Variants in EPS15L1 observed in about 807,000 individuals in gnomAD.
The protein encoded by EPS15L1 is epidermal growth factor receptor pathway substrate 15 like 1.
Under a neutral mutation model 117.1 loss-of-function variants are expected in EPS15L1, and 43 were observed. The ratio of observed to expected loss-of-function variants is 0.37; its 90% CI spans 0.29 to 0.47. The LOEUF (loss-of-function observed/expected upper bound fraction) is 0.47, where lower values mean the gene tolerates loss of function less well. Ranked by LOEUF, EPS15L1 falls within the 20% of genes least tolerant of loss-of-function variation. The pLI, the probability that EPS15L1 is intolerant of heterozygous loss-of-function variation, is 0.99. For synonymous variants in EPS15L1, 459 were observed against 470.5 expected (o/e 0.98, Z 0.32); for missense variants, 981 against 1,164.0 (o/e 0.84, Z 2.29).
chr19:16,439,078 T>TG (rs1326399221), intron 4 of EPS15L1, among the ~76,000 whole-genome samples: 2 of 151,534 alleles, frequency 1.3e-5, no homozygotes, highest in African/African-American at 4.9e-5. Flanking sequence ...TTTTCTGTTT[T>TG]TTTTTTTTTT....
At chr19:16,397,800 G>T (rs2092555730) in intron 16 of EPS15L1, among the ~76,000 whole-genome samples, 1 of 151,932 alleles carries the variant, frequency 6.6e-6, no homozygotes, top group Non-Finnish European at 1.5e-5. Context: ...TGAAAAGGGT[G>T]GGTTTGTCAT....
intron 19 of EPS15L1, among the ~76,000 whole-genome samples, chr19:16,389,200 T>C (rs576869720): frequency 2.6e-5 from 4 of 151,626 alleles, no homozygotes; most frequent in African/African-American, 9.7e-5. Flanking sequence ...AAGCCTGTGA[T>C]CCCAGCACTT....
intron 16 of EPS15L1, among the ~76,000 whole-genome samples, chr19:16,398,669 T>A (rs2092565223): frequency 6.6e-6 from 1 of 152,166 alleles, no homozygotes; most frequent in Non-Finnish European, 1.5e-5. Context: ...TTTTTAAAGG[T>A]AGGATCTCAC....
At chr19:16,401,545 G>A (rs1207458596) in intron 16 of EPS15L1, 16 of 985,566 alleles carry the variant, frequency 1.6e-5, no homozygotes, top group African/African-American at 1.7e-5. Flanking sequence ...CGGCCCATCC[G>A]CTCCCGGAAC....
chr19:16,404,519 G>T lies in EPS15L1; in HGVS notation c.1428+69C>A. On this transcript the variant is annotated intron_variant, in intron 14 of 23. Coordinates refer to ENST00000455140, the MANE Select transcript of EPS15L1 (RefSeq NM_001258374.3). The surrounding 1 kb of genome is among the most constrained non-coding windows in gnomAD (Gnocchi z 4.2). ...AGTGTTGTGTTCCCAGGTAACACGAGCTCAGGGGAGTCCTTGGGAAGCCCC... is the reference window on the plus strand; with the variant it reads ...AGTGTTGTGTTCCCAGGTAACACGATCTCAGGGGAGTCCTTGGGAAGCCCC... 1 of 1,555,260 alleles carries T rather than the reference G, an allele frequency of 6.4e-7. No individual in the cohort carries two copies. Among genetic ancestry groups the T allele is most frequent in the Non-Finnish European group, 8.8e-7 (1 of 1,134,096 alleles).
chr19:16,432,952 G>A (rs558380000), intron 7 of EPS15L1, among the ~76,000 whole-genome samples: 28 of 151,608 alleles, frequency 1.8e-4, no homozygotes, highest in Non-Finnish European at 3.2e-4. Context: ...CTACAGTCAC[G>A]CACCACCACA....
chr19:16,377,791 A>G (rs2092314237), intron 21 of EPS15L1, among the ~76,000 whole-genome samples: 2 of 152,270 alleles, frequency 1.3e-5, no homozygotes, highest in South Asian at 4.1e-4. Context: ...TGGGCTGCAC[A>G]TGCAGCACCT....
intron 16 of EPS15L1, chr19:16,401,745 G>A: frequency 1.0e-6 from 1 of 985,502 alleles, no homozygotes; most frequent in Non-Finnish European, 1.2e-6. Context: ...CAACTCCAGG[G>A]TCATGAGGTC....
chr19:16,436,998 T>C lies in EPS15L1; in HGVS notation c.311A>G (p.His104Arg). 1 of 1,613,898 alleles carries C rather than the reference T, an allele frequency of 6.2e-7. No individual in the cohort carries two copies. Among genetic ancestry groups the C allele is most frequent in the Non-Finnish European group, 8.5e-7 (1 of 1,179,814 alleles). The change falls in exon 6 of 24, where the codon CAC becomes CGC. Residue 104 changes from histidine (H) to arginine (R), a missense_variant and splice_region_variant. Coordinates refer to ENST00000455140, the MANE Select transcript of EPS15L1 (RefSeq NM_001258374.3). Reference sequence around the variant, plus strand: ...GACCATCAGAGGGCTGCTGGTGTCGTGCTGAGAAGAGAGAGAAACATTCCT... The same window carrying C: ...GACCATCAGAGGGCTGCTGGTGTCGCGCTGAGAAGAGAGAGAAACATTCCT... ...LNLSMPPPKF[H>R]DTSSPLMVTP...
intron 1 of EPS15L1, among the ~76,000 whole-genome samples, chr19:16,449,943 A>T (rs1481279487): frequency 3.3e-5 from 5 of 152,228 alleles, no homozygotes; most frequent in Non-Finnish European, 7.3e-5. Flanking sequence ...ACATCATTAA[A>T]ATGATAAAAT....
At chr19:16,428,787 A>G in intron 7 of EPS15L1, 26 bp from the exon 8 acceptor site, 1 of 1,592,894 alleles carries the variant, frequency 6.3e-7, no homozygotes, top group Non-Finnish European at 8.6e-7. Flanking sequence ...CAGCATGGGT[A>G]ACTGTGGGAG....
At chr19:16,394,784 G>C (rs2092521755) in intron 17 of EPS15L1, among the ~76,000 whole-genome samples, 1 of 152,108 alleles carries the variant, frequency 6.6e-6, no homozygotes, top group South Asian at 2.1e-4. Context: ...ACCTGCTGAG[G>C]GATTAGGAAA....
chr19:16,395,556 CTT>C (rs1201101992), intron 16 of EPS15L1, 89 bp from the exon 17 acceptor site: 6 of 1,312,648 alleles, frequency 4.6e-6, no homozygotes, highest in Non-Finnish European at 6.5e-6. Flanking sequence ...CACATTTCCA[CTT>C]TGAGTAGCAT....
Position 16,381,208 on chromosome 19 carries a change from G to C in EPS15L1, c.2247+3921C>G, listed in dbSNP as rs1172609192. Among the ~76,000 whole-genome samples, 2 of 152,256 alleles carry C rather than the reference G, an allele frequency of 1.3e-5. No homozygotes were observed. The highest frequency in any genetic ancestry group is 2.9e-5 in the Non-Finnish European group (2 of 68,040). Reference sequence around the variant, plus strand: ...TAATAATAGGCCCAGTGACCTGGCAGGGGGTCCCACTGTCAGCACCTCTGC... The same window carrying C: ...TAATAATAGGCCCAGTGACCTGGCACGGGGTCCCACTGTCAGCACCTCTGC... On this transcript the variant is annotated intron_variant, in intron 21 of 23. Coordinates refer to ENST00000455140, the MANE Select transcript of EPS15L1 (RefSeq NM_001258374.3). This position sits in a 1 kb window ranked among gnomAD's most constrained non-coding sequence, Gnocchi z 4.2.
intron 12 of EPS15L1, among the ~76,000 whole-genome samples, chr19:16,415,069 TCAC>T (rs756010563): frequency 4.6e-5 from 7 of 152,094 alleles, no homozygotes; most frequent in Non-Finnish European, 1.0e-4. Context: ...CTGTAACAAA[TCAC>T]CAACTGGGTG....
chr19:16,409,756 G>T (rs547297686), intron 13 of EPS15L1, among the ~76,000 whole-genome samples: 30 of 151,988 alleles, frequency 2.0e-4, no homozygotes, highest in African/African-American at 7.2e-4. Flanking sequence ...TGGCCAACAT[G>T]GTGAAACCCT....
chr19:16,391,942 T>C (rs1219839040), intron 19 of EPS15L1, among the ~76,000 whole-genome samples: 2 of 151,974 alleles, frequency 1.3e-5, no homozygotes, highest in Admixed American at 6.6e-5. Context: ...GCTTGTGTGA[T>C]TTAGTCTTTT....
intron 20 of EPS15L1, 86 bp from the exon 21 acceptor site, chr19:16,385,297 T>C (rs1230968192): frequency 8.9e-7 from 1 of 1,121,288 alleles, no homozygotes; most frequent in East Asian, 2.4e-5. Context: ...AGATGGCCCC[T>C]GAACCAGGAG....
intron 1 of EPS15L1, among the ~76,000 whole-genome samples, chr19:16,453,888 A>T (rs903686207): frequency 2.0e-4 from 13 of 63,488 alleles, no homozygotes; most frequent in African/African-American, 8.3e-4. Context: ...AATTCCTATA[A>T]AAAAAAAAAA....
Sources: allele counts gnomAD v4.1 joint callset (sites outside exome capture counted in the v4.1 genomes callset), GRCh38; gene constraint gnomAD v4.1.1; non-coding constraint Gnocchi (gnomAD v3.1); transcripts MANE v1.5; gene names NCBI Gene and HGNC (gene_info 2026-07-23, HGNC 2026-07-21).